GPC1: variants seen among roughly 807,000 people sequenced by gnomAD.
GPC1 encodes the protein glypican 1.
Under a neutral mutation model 51.5 loss-of-function variants are expected in GPC1, and 26 were observed. The ratio of observed to expected loss-of-function variants is 0.50; its 90% CI spans 0.37 to 0.70. The LOEUF (loss-of-function observed/expected upper bound fraction) is 0.70. GPC1 is among the 30% of genes least tolerant of loss of function. The pLI, the probability that GPC1 is intolerant of heterozygous loss-of-function variation, is 0.00. For synonymous variants in GPC1, 380 were observed against 348.3 expected (o/e 1.09, Z -1.01); for missense variants, 775 against 800.5 (o/e 0.97, Z 0.38).
At chr2:240,449,173 CT>C (rs1056126102) in intron 1 of GPC1, 1 of 152,802 alleles carries the variant, frequency 6.5e-6, no homozygotes, top group African/African-American at 2.4e-5. Flanking sequence ...TGAAAGCGGC[CT>C]TAAACCTCCT....
At position 240,466,203 on chromosome 2, in the gene GPC1, G is replaced by A. The variant is rs144144715; in HGVS notation, c.1590G>A (p.Ser530=). The A allele has an allele frequency of 5.4e-5, 87 of 1,612,582 alleles. 1 individual carries two copies. The highest frequency in any genetic ancestry group is 1.6e-4 in the Middle Eastern group (1 of 6,080). ...GLSEQEGQKT[S]AASCPQPPTF... The stretch of plus-strand genomic sequence containing the variant: ...CAGAGCAGGAAGGACAGAAGACCTC[G>A]GCTGCCAGCTGCCCCCAGCCCCCGA... Residue 530 remains serine (S), a synonymous_variant, in exon 9 of 9, where the codon TCG becomes TCA. Coordinates refer to ENST00000264039, the MANE Select transcript of GPC1 (RefSeq NM_002081.3).
intron 1 of GPC1, among the ~76,000 whole-genome samples, chr2:240,441,751 G>T (rs2074018781): frequency 6.6e-6 from 1 of 152,206 alleles, no homozygotes; most frequent in Non-Finnish European, 1.5e-5. Context: ...GTCTCCTGAC[G>T]GGGTGGGGGG....
intron 1 of GPC1, among the ~76,000 whole-genome samples, chr2:240,440,627 C>T (rs112169267): frequency 5.3e-5 from 2 of 37,736 alleles, no homozygotes; most frequent in Admixed American, 2.2e-4. Context: ...TCCCTGCCTC[C>T]GGTCCTGCCC....
At position 240,466,186 on chromosome 2, in the gene GPC1, G is replaced by A; in HGVS notation, c.1573G>A (p.Glu525Lys). The A allele has an allele frequency of 6.2e-7, 1 of 1,612,956 alleles. No homozygotes were observed. The highest frequency in any genetic ancestry group is 8.5e-7 in the Non-Finnish European group (1 of 1,179,486). Residue 525 changes from glutamate (E) to lysine (K), a missense_variant, in exon 9 of 9, where the codon GAA becomes AAA. Coordinates refer to ENST00000264039, the MANE Select transcript of GPC1 (RefSeq NM_002081.3). ...TGCCCTCCCAGGCCTGTCAGAGCAG[G>A]AAGGACAGAAGACCTCGGCTGCCAG... ...THALPGLSEQ[E>K]GQKTSAASCP...
At chr2:240,452,778 T>C (rs2074112283) in intron 1 of GPC1, 1 of 148,804 alleles carries the variant, frequency 6.7e-6, no homozygotes, top group Non-Finnish European at 1.5e-5. Context: ...AGGACGCTCG[T>C]CCCCGCGCCG....
intron 2 of GPC1, 49 bp from the exon 3 acceptor site, chr2:240,462,142 C>G (rs1403846628): frequency 1.3e-6 from 2 of 1,498,244 alleles, no homozygotes; most frequent in African/African-American, 1.4e-5. Flanking sequence ...GGTCCAGCTG[C>G]CACGGCGGGG....
At chr2:240,436,190 C>T (rs911640254) in intron 1 of GPC1, 106 bp downstream of exon 1, 73 of 751,680 alleles carry the variant, frequency 9.7e-5, no homozygotes, top group Non-Finnish European at 1.3e-4. Flanking sequence ...ATCCTGCCGC[C>T]TGCGCCCCGC....
At chr2:240,438,946 C>T (rs1005578359) in intron 1 of GPC1, among the ~76,000 whole-genome samples, 2 of 152,180 alleles carry the variant, frequency 1.3e-5, no homozygotes, top group South Asian at 2.1e-4. Flanking sequence ...AGGGCGGAGC[C>T]GAGTGGCACC....
chr2:240,451,185 G>C, intron 1 of GPC1: 2 of 471,242 alleles, frequency 4.2e-6, no homozygotes, highest in South Asian at 3.1e-5. Context: ...AGGCACCCAA[G>C]GGTTTGCTCT....
chr2:240,466,031 C>T, intron 8 of GPC1, 27 bp from the exon 9 acceptor site: 1 of 1,493,716 alleles, frequency 6.7e-7, no homozygotes, highest in Non-Finnish European at 9.3e-7. Context: ...TGGGGACCTG[C>T]CTGCCGGAGC....
At chr2:240,456,043 T>C in intron 1 of GPC1, 1 of 417,664 alleles carries the variant, frequency 2.4e-6, no homozygotes. Context: ...CTCCCGTGCT[T>C]GTCCGAGGAG....
intron 1 of GPC1, among the ~76,000 whole-genome samples, chr2:240,457,013 C>T (rs566634628): frequency 3.3e-5 from 5 of 152,290 alleles, no homozygotes; most frequent in African/African-American, 4.8e-5. Flanking sequence ...CCCCAACTCC[C>T]CCTCCAGCAG....
intron 1 of GPC1, among the ~76,000 whole-genome samples, chr2:240,439,230 G>A (rs533050165): frequency 6.6e-6 from 1 of 152,286 alleles, no homozygotes; most frequent in South Asian, 2.1e-4. Context: ...TCCCGGCCCA[G>A]GATAGCTTCT....
intron 2 of GPC1, among the ~76,000 whole-genome samples, chr2:240,460,465 C>T (rs1157772267): frequency 6.6e-6 from 1 of 152,194 alleles, no homozygotes; most frequent in East Asian, 1.9e-4. Flanking sequence ...TGGCTCCCGC[C>T]CCAGCGTGCC....
rs909719897 is a variant in GPC1, at chr2:240,435,723, T to TCGCACCCCG, written c.-192_-184dup. On this transcript the variant is annotated 5_prime_UTR_variant, in exon 1 of 9. Transcript: ENST00000264039. ...GGCTGCCCGAGCGAGCGTTCGGACC[T>TCGCACCCCG]CGCACCCCGCGCGCCCCGCGCCGCC... 3.2e-5 allele frequency: 8 copies of TCGCACCCCG among 248,442 alleles called. No individual in the cohort carries two copies. Among genetic ancestry groups the TCGCACCCCG allele is most frequent in the Non-Finnish European group, 5.2e-5 (7 of 135,208 alleles). The allele number at this position is 248,442 out of a possible 1,614,324, so 15.4% of individuals were successfully genotyped here.
chr2:240,464,463 G>C lies in GPC1; in HGVS notation c.884-153G>C. On this transcript the variant is annotated intron_variant, in intron 4 of 8. Coordinates refer to ENST00000264039, the MANE Select transcript of GPC1 (RefSeq NM_002081.3). ...TGCACGTGGCCTGCACATGTCACAC[G>C]GGCCAACCTGAGTGCACACGTGGGA... 17 of 1,004,492 alleles carry C rather than the reference G, an allele frequency of 1.7e-5. No homozygotes were observed. In the South Asian group the frequency reaches 2.5e-4, roughly 14 times the overall value. 62.2% of individuals were successfully genotyped at this position (1,004,492 alleles called of 1,614,324 possible).
chr2:240,451,354 G>C (rs897969046), intron 1 of GPC1: 47 of 430,064 alleles, frequency 1.1e-4, no homozygotes, highest in Non-Finnish European at 1.9e-4. Context: ...CAGACAGGGA[G>C]GGCCAGTCCA....
rs748793217 is a variant in GPC1, at chr2:240,465,146, A to G, written c.1204A>G (p.Ser402Gly). Reference sequence around the variant, plus strand: ...GATCAGCCTCCCAGGGACACTGTGCAGTGAGAAGATGGCCCTGAGCACTGC... The same window carrying G: ...GATCAGCCTCCCAGGGACACTGTGCGGTGAGAAGATGGCCCTGAGCACTGC... ...FWISLPGTLC[S>G]EKMALSTASD... The change falls in exon 7 of 9, where the codon AGT becomes GGT. Residue 402 changes from serine to glycine, a missense_variant. Transcript: ENST00000264039. 1 of 1,612,490 alleles carries G rather than the reference A, an allele frequency of 6.2e-7. No homozygotes were observed. Among genetic ancestry groups the G allele is most frequent in the Non-Finnish European group, 8.5e-7 (1 of 1,179,834 alleles).
chr2:240,442,295 C>G (rs765515397), intron 1 of GPC1: 1 of 151,774 alleles, frequency 6.6e-6, no homozygotes, highest in South Asian at 2.1e-4. Context: ...CTCCCGGTAC[C>G]GGGTGGGGCT....
Sources: allele counts gnomAD v4.1 joint callset (sites outside exome capture counted in the v4.1 genomes callset), GRCh38; gene constraint gnomAD v4.1.1; transcripts MANE v1.5; gene names NCBI Gene and HGNC (gene_info 2026-07-23, HGNC 2026-07-21).